Variants in MARCHF1 observed in about 807,000 individuals in gnomAD.
MARCHF1 encodes membrane associated ring-CH-type finger 1.
A neutral mutation model predicts 54.2 loss-of-function variants in MARCHF1; 40 were observed. That is an observed-to-expected ratio of 0.74 (90% CI 0.57 to 0.96). The LOEUF (loss-of-function observed/expected upper bound fraction) is 0.96, where lower values mean the gene tolerates loss of function less well. Ranked by LOEUF, MARCHF1 falls within the 40% of genes least tolerant of loss-of-function variation. The pLI is 0.00. For missense variants in MARCHF1, 586 were observed against 656.5 expected (o/e 0.89, Z 1.17); for synonymous variants, 236 against 236.3 (o/e 1.00, Z 0.01).
Position 163,854,002 on chromosome 4 carries a change from A to C in MARCHF1, c.111+19T>G, listed in dbSNP as rs1749703959. 2.6e-6 allele frequency: 4 copies of C among 1,535,258 alleles called. No individual in the cohort carries two copies. In the South Asian group the frequency reaches 4.8e-5, roughly 18 times the overall value. Reference sequence around the variant, plus strand: ...ATTTACATATAAGCCAATTTGAGGTAAAGTAACTTTCCACTCACCAATGTG... The same window carrying C: ...ATTTACATATAAGCCAATTTGAGGTCAAGTAACTTTCCACTCACCAATGTG... On this transcript the variant is annotated intron_variant, in intron 4 of 9. Transcript: ENST00000514618.
At chr4:163,621,667 C>A (rs1488180212) in intron 5 of MARCHF1, among the ~76,000 whole-genome samples, 2 of 152,096 alleles carry the variant, frequency 1.3e-5, no homozygotes, top group Non-Finnish European at 2.9e-5. Flanking sequence ...GAAGGTACGA[C>A]TGAAGAAAAA....
intron 1 of MARCHF1, among the ~76,000 whole-genome samples, chr4:164,209,534 T>A (rs1427511946): frequency 6.6e-6 from 1 of 152,174 alleles, no homozygotes; most frequent in Non-Finnish European, 1.5e-5. Flanking sequence ...ATATGACATA[T>A]GTGTTTGAAA....
intron 5 of MARCHF1, among the ~76,000 whole-genome samples, chr4:163,677,437 C>T (rs1341044623): frequency 6.6e-6 from 1 of 152,112 alleles, no homozygotes; most frequent in East Asian, 1.9e-4. Flanking sequence ...CTCCTTCTTG[C>T]CTTGGAATCT....
At chr4:163,643,091 T>C (rs1742614106) in intron 5 of MARCHF1, among the ~76,000 whole-genome samples, 1 of 148,920 alleles carries the variant, frequency 6.7e-6, no homozygotes, top group African/African-American at 2.5e-5. Context: ...GGCAGGTGGA[T>C]CATTTCATGT....
At chr4:163,932,724 G>A (rs570568828) in intron 3 of MARCHF1, 16 of 539,034 alleles carry the variant, frequency 3.0e-5, no homozygotes, top group South Asian at 2.6e-4. Flanking sequence ...GCAGAAGACA[G>A]ACACCTCCGA....
chr4:164,160,558 C>A (rs909056542), intron 1 of MARCHF1, among the ~76,000 whole-genome samples: 1 of 152,092 alleles, frequency 6.6e-6, no homozygotes, highest in Admixed American at 6.6e-5. Context: ...TGAATACCGA[C>A]GTTATAAAAT....
At chr4:164,008,520 TGCA>T (rs1323897237) in intron 2 of MARCHF1, among the ~76,000 whole-genome samples, 1 of 152,122 alleles carries the variant, frequency 6.6e-6, no homozygotes, top group African/African-American at 2.4e-5. Context: ...ATCCAACTGC[TGCA>T]GAATATTAAT....
chr4:164,202,104 C>A (rs937998489), intron 1 of MARCHF1, among the ~76,000 whole-genome samples: 1 of 152,156 alleles, frequency 6.6e-6, no homozygotes, highest in Admixed American at 6.5e-5. Context: ...AAACATTATG[C>A]TATGTGTTTA....
chr4:164,026,647 G>C (rs1183047797), intron 2 of MARCHF1, among the ~76,000 whole-genome samples: 1 of 152,042 alleles, frequency 6.6e-6, no homozygotes, highest in Non-Finnish European at 1.5e-5. Flanking sequence ...GTGGGCAAAA[G>C]CTGGAACCAT....
At chr4:163,603,235 T>C (rs1741029986) in intron 7 of MARCHF1, among the ~76,000 whole-genome samples, 1 of 152,114 alleles carries the variant, frequency 6.6e-6, no homozygotes, top group Non-Finnish European at 1.5e-5. Context: ...TCAAAAATCT[T>C]ATTTATAATG....
intron 1 of MARCHF1, among the ~76,000 whole-genome samples, chr4:164,242,665 T>A (rs547164051): frequency 1.3e-5 from 2 of 152,112 alleles, no homozygotes; most frequent in African/African-American, 4.8e-5. Context: ...AGGTTTCAGA[T>A]GATCAAATTA....
intron 1 of MARCHF1, among the ~76,000 whole-genome samples, chr4:164,156,725 G>T (rs1038455200): frequency 6.6e-6 from 1 of 152,040 alleles, no homozygotes; most frequent in Non-Finnish European, 1.5e-5. Context: ...CACCATGCCC[G>T]CCCTTAATTC....
chr4:164,169,495 T>G (rs1237138870), intron 1 of MARCHF1, among the ~76,000 whole-genome samples: 1 of 152,034 alleles, frequency 6.6e-6, no homozygotes, highest in Non-Finnish European at 1.5e-5. Context: ...TACATCAAAA[T>G]GCTGAGGGTT....
At chr4:163,631,903 A>T (rs774018040) in intron 5 of MARCHF1, among the ~76,000 whole-genome samples, 11 of 152,238 alleles carry the variant, frequency 7.2e-5, no homozygotes, top group Non-Finnish European at 1.0e-4. Flanking sequence ...TTTACAAATC[A>T]TGTTAATTAT....
chr4:163,773,940 ATTCAAAGAAGTCAGAATCATATCT>A (rs1374003425), intron 4 of MARCHF1, among the ~76,000 whole-genome samples: 1 of 152,188 alleles, frequency 6.6e-6, no homozygotes, highest in Non-Finnish European at 1.5e-5. Context: ...TCCAATTGCC[ATTCAAAGAAGTCAGAATCATATCT>A]GTTTTTTATG....
intron 1 of MARCHF1, among the ~76,000 whole-genome samples, chr4:164,157,625 G>C (rs141471400): frequency 1.3e-5 from 2 of 152,118 alleles, no homozygotes; most frequent in African/African-American, 2.4e-5. Context: ...CTTTGTCTCT[G>C]TCTAGCATCT....
intron 2 of MARCHF1, among the ~76,000 whole-genome samples, chr4:164,081,705 C>CAT (rs1448788462): frequency 6.6e-6 from 1 of 152,008 alleles, no homozygotes; most frequent in African/African-American, 2.4e-5. Context: ...CATGTGCATG[C>CAT]ATATACACAC....
At chr4:163,986,280 T>TTTTTTTTTTTTTTTTTTTTTTTTTTTG (rs1752866787) in intron 3 of MARCHF1, among the ~76,000 whole-genome samples, 1 of 94,118 alleles carries the variant, frequency 1.1e-5, no homozygotes, top group Non-Finnish European at 2.2e-5. Flanking sequence ...TTTTTTTTTT[T>TTTTTTTTTTTTTTTTTTTTTTTTTTTG]GAGATGGAGT....
chr4:163,538,236 G>A (rs1302276524), intron 9 of MARCHF1, among the ~76,000 whole-genome samples: 1 of 152,072 alleles, frequency 6.6e-6, no homozygotes, highest in African/African-American at 2.4e-5. Context: ...TTTTTAGCAA[G>A]GCAGAGAAGG....
Sources: allele counts gnomAD v4.1 joint callset (sites outside exome capture counted in the v4.1 genomes callset), GRCh38; gene constraint gnomAD v4.1.1; transcripts MANE v1.5; gene names NCBI Gene and HGNC (gene_info 2026-07-23, HGNC 2026-07-21).